The following SCNN1A variants were observed in gnomAD, a reference collection of about 807,000 sequenced individuals.
SCNN1A encodes the protein epithelial sodium channel subunit alpha.
A neutral mutation model predicts 68.6 loss-of-function variants in SCNN1A; 65 were observed. The observed-to-expected ratio is 0.95, with a 90% CI of 0.78 to 1.16. The LOEUF is 1.16. SCNN1A is among the 50% of genes most tolerant of loss of function. SCNN1A has a pLI of 0.00. For missense variants in SCNN1A, 880 were observed against 865.9 expected (o/e 1.02, Z -0.20); for synonymous variants, 357 against 353.3 (o/e 1.01, Z -0.12).
At chr12:6,371,183 C>G (rs1223854488) in intron 2 of SCNN1A, among the ~76,000 whole-genome samples, 1 of 152,082 alleles carries the variant, frequency 6.6e-6, no homozygotes, top group Non-Finnish European at 1.5e-5. Context: ...GCAGCTCTGC[C>G]TCACTCCAGT....
At chr12:6,376,044 A>T, upstream of SCNN1A, 1 of 993,142 alleles carries the variant, frequency 1.0e-6, no homozygotes, top group African/African-American at 1.7e-5. Flanking sequence ...GCAAGGGGGG[A>T]GTCCCAAGTG....
rs781146561 is a variant in SCNN1A, at chr12:6,362,129, G to C, written c.797C>G (p.Thr266Ser). 1.8e-5 allele frequency: 29 copies of C among 1,614,138 alleles called. No homozygotes were observed. Among genetic ancestry groups the C allele is most frequent in the Non-Finnish European group, 1.5e-5 (18 of 1,180,044 alleles). The change falls in exon 4 of 13, where the codon ACT becomes AGT. Residue 266 changes from threonine to serine, a missense_variant. Physicochemically the swap from Thr to Ser is moderately conservative, Grantham distance 58 (BLOSUM62 1). This residue lies in a region of SCNN1A where 758 missense variants were observed against 721.8 expected (regional missense o/e 1.05). Transcript: ENST00000228916. ...CGTGTCCTCCTCCAGGGATGGCAGAGTCTCTGGCAGCCTCGACAGGATGTT... is the reference window on the plus strand; with the variant it reads ...CGTGTCCTCCTCCAGGGATGGCAGACTCTCTGGCAGCCTCGACAGGATGTT... Reference protein sequence around the residue: ...YINILSRLPETLPSLEEDTLG... With the variant: ...YINILSRLPESLPSLEEDTLG...
chr12:6,370,270 C>T (rs1948765587), intron 2 of SCNN1A, among the ~76,000 whole-genome samples: 1 of 152,218 alleles, frequency 6.6e-6, no homozygotes, highest in Admixed American at 6.5e-5. Flanking sequence ...GATGTGAACC[C>T]AGGCCTGTTC....
At position 6,363,387 on chromosome 12, in the gene SCNN1A, G is replaced by C. The variant is rs1948614566; in HGVS notation, c.684+56C>G. ...GGAAAGGAGCGGAGCCCATGGGTGG[G>C]CGGGGCCAGGGGCCGGCGAGGGGCG... is the stretch of plus-strand genomic sequence containing the variant. On this transcript the variant is annotated intron_variant, in intron 3 of 12. Transcript: ENST00000228916. The C allele has an allele frequency of 4.8e-6, 7 of 1,444,184 alleles. No individual in the cohort carries two copies. The East Asian group carries it at 1.6e-4, about 32-fold the overall frequency. 89.5% of individuals were successfully genotyped at this position (1,444,184 alleles called of 1,614,324 possible). A position where few individuals can be genotyped will look rare whatever the true frequency, so the allele number is the denominator to read the frequency against.
Position 6,348,109 on chromosome 12 carries a change from A to T in SCNN1A, c.1774T>A (p.Tyr592Asn). Residue 592 changes from tyrosine (Y) to asparagine (N), a missense_variant, in exon 13 of 13, where the codon TAC becomes AAC. By Grantham distance (143) the Tyr-to-Asn change is moderately radical. This residue lies in a region of SCNN1A where 758 missense variants were observed against 721.8 expected (regional missense o/e 1.05). Coordinates refer to ENST00000228916, the MANE Select transcript of SCNN1A (RefSeq NM_001038.6). ...CTGCCCCCTCGGCCTGGAGACCAGT[A>T]TCGGCTTCGGAACCTTCGGAGCAGC... ...LMLLRRFRSR[Y>N]WSPGRGGRGA... is the part of the protein sequence containing the mutation. 1.9e-6 allele frequency: 3 copies of T among 1,614,182 alleles called. No individual in the cohort carries two copies. The Admixed American group carries it at 5.0e-5, about 27-fold the overall frequency.
At position 6,355,288 on chromosome 12, in the gene SCNN1A, G is replaced by C; in HGVS notation, c.1127C>G (p.Ser376Cys). 6.2e-7 allele frequency: 1 copy of C among 1,613,182 alleles called. No individual in the cohort carries two copies. The highest frequency in any genetic ancestry group is 8.5e-7 in the Non-Finnish European group (1 of 1,179,610). ...CATCCTTGCCTTCCTCATGCTGATG[G>C]AGGTCTCCACGCCAGGCCGCAAGTT... ...GFNLRPGVET[S>C]ISMRKETLDR... The change falls in exon 6 of 13, where the codon TCC becomes TGC. Residue 376 changes from serine to cysteine, a missense_variant. Ser to Cys is a moderately radical substitution (Grantham distance 112). Around this residue, in one of 3 missense-constraint regions of SCNN1A, gnomAD observed 758 missense variants for 721.8 expected, o/e 1.05. Coordinates refer to ENST00000228916, the MANE Select transcript of SCNN1A (RefSeq NM_001038.6).
At position 6,374,820 on chromosome 12, in the gene SCNN1A, C is replaced by T; in HGVS notation, c.-37G>A. 6.2e-7 allele frequency: 1 copy of T among 1,614,068 alleles called. No individual in the cohort carries two copies. Among genetic ancestry groups the T allele is most frequent in the Non-Finnish European group, 8.5e-7 (1 of 1,180,004 alleles). On this transcript the variant is annotated 5_prime_UTR_variant, in exon 2 of 13. Transcript: ENST00000228916. The surrounding 1 kb of genome is among the most constrained non-coding windows in gnomAD (Gnocchi z 6.2). Reference sequence around the variant, plus strand: ...TGGGCTGCAGAGGTCTAGGGTCCTGCTCCTCCAGCTTGTTCCCCTTCATGA... The same window carrying T: ...TGGGCTGCAGAGGTCTAGGGTCCTGTTCCTCCAGCTTGTTCCCCTTCATGA...
chr12:6,350,564 C>G (rs1180960932), intron 8 of SCNN1A, among the ~76,000 whole-genome samples: 1 of 151,800 alleles, frequency 6.6e-6, no homozygotes, highest in South Asian at 2.1e-4. Flanking sequence ...AGGCTGGGTG[C>G]GGTGGCTCAC....
At position 6,349,307 on chromosome 12, in the gene SCNN1A, C is replaced by T. The variant is rs1284939362; in HGVS notation, c.1439+20G>A. 1.2e-6 allele frequency: 2 copies of T among 1,613,742 alleles called. No individual in the cohort carries two copies. Among genetic ancestry groups the T allele is most frequent in the Non-Finnish European group, 8.5e-7 (1 of 1,179,756 alleles). The stretch of plus-strand genomic sequence containing the variant: ...AACCTGTATTCTACCCAACCTGTAC[C>T]CGGGGAAGGGGACACTAACCTGCAT... On this transcript the variant is annotated intron_variant, in intron 9 of 12. Coordinates refer to ENST00000228916, the MANE Select transcript of SCNN1A (RefSeq NM_001038.6).
rs551706206 is a variant in SCNN1A at position 6,362,162 on chromosome 12, T to C, written c.764A>G (p.His255Arg). The change falls in exon 4 of 13, where the codon CAC becomes CGC. Residue 255 changes from histidine (H) to arginine (R), a missense_variant. Transcript: ENST00000228916. The stretch of plus-strand genomic sequence containing the variant: ...CAGCCTCGACAGGATGTTGATGTAG[T>C]GGAAGCGGTACCACTCCCTCACCGC... ...VDAVREWYRF[H>R]YINILSRLPE... 1.2e-6 allele frequency: 2 copies of C among 1,614,152 alleles called. No individual in the cohort carries two copies. Among genetic ancestry groups the C allele is most frequent in the Admixed American group, 1.7e-5 (1 of 60,024 alleles).
At position 6,374,936 on chromosome 12, in the gene SCNN1A, T is replaced by G. The variant is rs932594206; in HGVS notation, c.-54-99A>C. The G allele has an allele frequency of 6.3e-7, 1 of 1,591,806 alleles. No individual in the cohort carries two copies. The highest frequency in any genetic ancestry group is 1.1e-5 in the South Asian group (1 of 88,912). ...TCTCCCATCACCCCTGGAACCCGAG[T>G]GAGGCTGCCCCTGGCCATGCCCATG... On this transcript the variant is annotated intron_variant, in intron 1 of 12. Transcript: ENST00000228916. This position sits in a 1 kb window ranked among gnomAD's most constrained non-coding sequence, Gnocchi z 6.2.
rs747511419 is a variant in SCNN1A at position 6,363,425 on chromosome 12, C to A, written c.684+18G>T. 6.6e-6 allele frequency: 10 copies of A among 1,522,004 alleles called. No individual in the cohort carries two copies. In the South Asian group the frequency reaches 1.0e-4, roughly 15 times the overall value. The allele number at this position is 1,522,004 out of a possible 1,614,324, so 94.3% of individuals were successfully genotyped here. A position where few individuals can be genotyped will look rare whatever the true frequency, so the allele number is the denominator to read the frequency against. On this transcript the variant is annotated intron_variant, in intron 3 of 12. Transcript: ENST00000228916. ...CCGGCGAGGGGCGGGGCGGGCCCCT[C>A]GGCGCTGCGGGCCTCACCAGCTGGA...
At chr12:6,370,891 T>C (rs1035332417) in intron 2 of SCNN1A, among the ~76,000 whole-genome samples, 2 of 152,190 alleles carry the variant, frequency 1.3e-5, no homozygotes, top group Non-Finnish European at 2.9e-5. Context: ...GCCTAAACCG[T>C]TCCTGGGACT....
intron 2 of SCNN1A, among the ~76,000 whole-genome samples, chr12:6,369,271 A>T (rs1434371841): frequency 8.2e-5 from 9 of 109,598 alleles, no homozygotes; most frequent in African/African-American, 1.2e-4. Context: ...GCCACCCTAC[A>T]CGCCTCCCTC....
In SCNN1A at chr12:6,351,901, A is replaced by AG. The variant is rs1289059630; in HGVS notation, c.1361-2497dup. Among the ~76,000 whole-genome samples, 1 of 152,000 alleles carries AG rather than the reference A, an allele frequency of 6.6e-6. No individual in the cohort carries two copies. The highest frequency in any genetic ancestry group is 2.4e-5 in the African/African-American group (1 of 41,390). ...CAGCCTCCCAAGTGGCTGGGTCTGCAGGTGTGCACCACCATGCCCAGCTAA... is the reference window on the plus strand; with the variant it reads ...CAGCCTCCCAAGTGGCTGGGTCTGCAGGGTGTGCACCACCATGCCCAGCTAA... On this transcript the variant is annotated intron_variant, in intron 8 of 12. Coordinates refer to ENST00000228916, the MANE Select transcript of SCNN1A (RefSeq NM_001038.6). The surrounding 1 kb of genome is among the most constrained non-coding windows in gnomAD (Gnocchi z 4.2).
Position 6,372,633 on chromosome 12 carries a change from C to A in SCNN1A, c.416+1735G>T, listed in dbSNP as rs1948813414. Among the ~76,000 whole-genome samples, 1 of 152,210 alleles carries A rather than the reference C, an allele frequency of 6.6e-6. No homozygotes were observed. Among genetic ancestry groups the A allele is most frequent in the Admixed American group, 6.5e-5 (1 of 15,280 alleles). ...CCCTGCCCTCCCTTTCCATCTCTCA[C>A]TGACATATTTTCAACCACAAATATT... On this transcript the variant is annotated intron_variant, in intron 2 of 12. Coordinates refer to ENST00000228916, the MANE Select transcript of SCNN1A (RefSeq NM_001038.6). This position sits in a 1 kb window ranked among gnomAD's most constrained non-coding sequence, Gnocchi z 5.8.
At chr12:6,363,419 G>A (rs1438873209) in intron 3 of SCNN1A, 24 bp downstream of exon 3, 7 of 1,508,684 alleles carry the variant, frequency 4.6e-6, no homozygotes, top group Non-Finnish European at 6.2e-6. Flanking sequence ...GGCGGGGCGG[G>A]CCCCTCGGCG....
chr12:6,367,406 A>G (rs912100976), intron 2 of SCNN1A, among the ~76,000 whole-genome samples: 2 of 152,258 alleles, frequency 1.3e-5, no homozygotes, highest in Non-Finnish European at 2.9e-5. Context: ...CAAATCAGGC[A>G]GCCCCTCAAC....
intron 2 of SCNN1A, among the ~76,000 whole-genome samples, chr12:6,368,281 G>T (rs553735324): frequency 8.5e-5 from 13 of 152,288 alleles, no homozygotes; most frequent in African/African-American, 2.4e-4. Flanking sequence ...TTCGTGGACA[G>T]GAAAAGGAAA....
Sources: gnomAD v4.1 joint callset for allele counts (sites outside exome capture counted in the v4.1 genomes callset) on GRCh38, gnomAD v4.1.1 for gene constraint, gnomAD v4.1.1 regional missense constraint, Gnocchi (gnomAD v3.1) non-coding constraint, MANE v1.5 for transcripts, NCBI Gene and HGNC (gene_info 2026-07-23, HGNC 2026-07-21) for gene names.